VRK2: variants seen among roughly 807,000 people sequenced by gnomAD.
The protein encoded by VRK2 is VRK serine/threonine kinase 2, also known as serine/threonine-protein kinase VRK2.
A neutral mutation model predicts 57.6 loss-of-function variants in VRK2; 60 were observed. The ratio of observed to expected loss-of-function variants is 1.04; its 90% CI spans 0.85 to 1.29. The LOEUF (loss-of-function observed/expected upper bound fraction) is 1.29, where lower values mean the gene tolerates loss of function less well. Among genes scored for constraint, VRK2 ranks in the 50% most tolerant of loss-of-function variants. The probability of loss-of-function intolerance (pLI) is 0.00; values close to 1 mark genes in which losing one functional copy is unlikely to be tolerated. For synonymous variants in VRK2, 231 were observed against 199.2 expected, an observed-to-expected ratio of 1.16 and a Z score of -1.35; for missense variants, 705 against 588.1, an observed-to-expected ratio of 1.20 and a Z score of -2.06.
intron 10 of VRK2, among the ~76,000 whole-genome samples, chr2:58,136,998 A>G (rs1048201670): frequency 7.5e-6 from 1 of 132,576 alleles, no homozygotes; most frequent in Admixed American, 8.0e-5. Flanking sequence ...ATGTGTATAT[A>G]TCATATATAT....
chr2:58,009,475 A>T (rs186925168), intron 1 of VRK2, among the ~76,000 whole-genome samples: 200 of 150,942 alleles, frequency 1.3e-3, no homozygotes, highest in Non-Finnish European at 2.4e-3. Context: ...AAATTTTAAT[A>T]AAGGTTGATG....
intron 1 of VRK2, among the ~76,000 whole-genome samples, chr2:57,947,920 T>G (rs1671310160): frequency 6.6e-6 from 1 of 152,220 alleles, no homozygotes; most frequent in Non-Finnish European, 1.5e-5. Flanking sequence ...TGTATTTTCC[T>G]ATTCTGTTAA....
intron 1 of VRK2, among the ~76,000 whole-genome samples, chr2:57,946,901 T>C (rs1025235346): frequency 2.0e-5 from 3 of 152,102 alleles, no homozygotes; most frequent in Non-Finnish European, 4.4e-5. Flanking sequence ...TACTGATCTA[T>C]GAGCCAGAGG....
chr2:57,953,204 T>C (rs1026960874), intron 1 of VRK2, among the ~76,000 whole-genome samples: 3 of 152,198 alleles, frequency 2.0e-5, no homozygotes, highest in African/African-American at 7.2e-5. Context: ...TTTGACCTGC[T>C]TATAAAGGAG....
chr2:58,117,422 G>A (rs1382605166), intron 7 of VRK2, among the ~76,000 whole-genome samples: 9 of 152,144 alleles, frequency 5.9e-5, no homozygotes, highest in African/African-American at 2.2e-4. Context: ...AGGAGCAGAG[G>A]CTGAGGAAGA....
At chr2:57,991,503 G>C (rs939174312) in intron 1 of VRK2, among the ~76,000 whole-genome samples, 2 of 152,100 alleles carry the variant, frequency 1.3e-5, no homozygotes, top group African/African-American at 4.8e-5. Context: ...AAGTCTAAGG[G>C]AAGTAGAGTT....
At chr2:58,147,445 A>C (rs1682333273) in intron 12 of VRK2, among the ~76,000 whole-genome samples, 1 of 151,980 alleles carries the variant, frequency 6.6e-6, no homozygotes, top group Non-Finnish European at 1.5e-5. Context: ...AATTAAAGAC[A>C]AATCGTGCTT....
chr2:58,071,666 T>A (rs995717532), intron 2 of VRK2, among the ~76,000 whole-genome samples: 10 of 152,068 alleles, frequency 6.6e-5, no homozygotes, highest in Non-Finnish European at 1.2e-4. Context: ...CTATTTTTTT[T>A]GCAGTACCAC....
Position 58,086,191 on chromosome 2 carries a change from TTAGA to T in VRK2, c.257-143_257-140del, listed in dbSNP as rs1338291171. 5 of 599,060 alleles carry T rather than the reference TTAGA, an allele frequency of 8.3e-6. 1 individual carries two copies. In the South Asian group the frequency reaches 9.3e-5, roughly 11 times the overall value. The allele number at this position is 599,060 out of a possible 1,614,324, so 37.1% of individuals were successfully genotyped here. Reference sequence around the variant, plus strand: ...TTATAGTGGTAACAGTTTGAGGCCATTAGATAGAGATGTTTGATTGAAAAAAAAT... The same window carrying T: ...TTATAGTGGTAACAGTTTGAGGCCATTAGAGATGTTTGATTGAAAAAAAAT... On this transcript the variant is annotated intron_variant, in intron 4 of 12. Coordinates refer to ENST00000340157, the MANE Select transcript of VRK2 (RefSeq NM_006296.7).
chr2:58,042,630 T>C (rs1023862311), upstream of VRK2, among the ~76,000 whole-genome samples: 15 of 152,216 alleles, frequency 9.9e-5, no homozygotes, highest in Non-Finnish European at 2.1e-4. Flanking sequence ...GGTTTTTCTT[T>C]TTCTTTTTAA....
intron 1 of VRK2, among the ~76,000 whole-genome samples, chr2:57,967,931 C>G (rs1671973308): frequency 6.6e-6 from 1 of 151,874 alleles, no homozygotes; most frequent in South Asian, 2.1e-4. Flanking sequence ...AAATACAAAA[C>G]TTAGAATTAA....
upstream of VRK2, among the ~76,000 whole-genome samples, chr2:58,045,065 G>C (rs187091915): frequency 7.9e-5 from 12 of 152,344 alleles, no homozygotes; most frequent in East Asian, 2.3e-3. Flanking sequence ...TAAAGTCATA[G>C]CGAAGACTGG....
chr2:57,999,190 G>C (rs1673013645), intron 1 of VRK2, among the ~76,000 whole-genome samples: 1 of 152,092 alleles, frequency 6.6e-6, no homozygotes, highest in Non-Finnish European at 1.5e-5. Context: ...CTCTGTATAA[G>C]AATATCTTTG....
intron 2 of VRK2, among the ~76,000 whole-genome samples, chr2:58,082,314 T>C (rs1572996562): frequency 3.3e-5 from 5 of 152,004 alleles, no homozygotes. Flanking sequence ...ATTTATCTTT[T>C]TGAAACTCCC....
intron 2 of VRK2, among the ~76,000 whole-genome samples, chr2:58,026,254 A>C (rs1269151249): frequency 6.6e-6 from 1 of 151,498 alleles, no homozygotes; most frequent in African/African-American, 2.4e-5. Flanking sequence ...CCTAAGAACA[A>C]GTGTTGCCAG....
rs541143340 is a variant in VRK2, at chr2:58,123,122, C to G, written c.565C>G (p.Leu189Val). ...PDQVYLADYG[L>V]SYRYCPNGNH... ...CCAGGTTTATCTTGCAGATTATGGA[C>G]TTTCCTACAGATATTGTCCCAATGG... is the stretch of plus-strand genomic sequence containing the variant. Residue 189 changes from leucine to valine, a missense_variant, in exon 8 of 13, where the codon CTT (leucine) becomes GTT (valine). Transcript: ENST00000340157. 6.2e-7 allele frequency: 1 copy of G among 1,600,348 alleles called. No homozygotes were observed.
At chr2:57,917,486 T>C (rs1475597871) in intron 1 of VRK2, among the ~76,000 whole-genome samples, 1 of 150,868 alleles carries the variant, frequency 6.6e-6, no homozygotes, top group Non-Finnish European at 1.5e-5. Flanking sequence ...CACCTCATTA[T>C]GCATGTGAGA....
intron 7 of VRK2, among the ~76,000 whole-genome samples, chr2:58,094,007 C>T (rs965590183): frequency 6.6e-6 from 1 of 152,158 alleles, no homozygotes; most frequent in African/African-American, 2.4e-5. Context: ...GGGCTCTGTT[C>T]TGTTCCATTG....
intron 1 of VRK2, among the ~76,000 whole-genome samples, chr2:57,914,663 C>A (rs989127095): frequency 5.3e-5 from 8 of 152,152 alleles, no homozygotes; most frequent in South Asian, 2.1e-4. Context: ...CTAATTACAG[C>A]AGCAACAACA....
Sources: allele counts gnomAD v4.1 joint callset (sites outside exome capture counted in the v4.1 genomes callset), GRCh38; gene constraint gnomAD v4.1.1; transcripts MANE v1.5; gene names NCBI Gene and HGNC (gene_info 2026-07-23, HGNC 2026-07-21).